LRRC8D: variants seen among roughly 807,000 people sequenced by gnomAD.
LRRC8D encodes the protein volume-regulated anion channel subunit LRRC8D.
A neutral mutation model predicts 55.8 loss-of-function variants in LRRC8D; 20 were observed. That is an observed-to-expected ratio of 0.36 (90% CI 0.25 to 0.52). LRRC8D has a LOEUF of 0.52. Ranked by LOEUF, LRRC8D falls within the 20% of genes least tolerant of loss-of-function variation. LRRC8D has a pLI of 0.93. For missense variants in LRRC8D, 651 were observed against 1,030.8 expected (o/e 0.63, Z 5.05); for synonymous variants, 352 against 377.0 (o/e 0.93, Z 0.77).
At position 89,936,144 on chromosome 1, in the gene LRRC8D, A is replaced by G. The variant is rs1361555052; in HGVS notation, c.*499A>G. 5.9e-6 allele frequency: 1 copy of G among 170,272 alleles called. No individual in the cohort carries two copies. Among genetic ancestry groups the G allele is most frequent in the Non-Finnish European group, 1.4e-5 (1 of 70,300 alleles). 10.5% of individuals were successfully genotyped at this position (170,272 alleles called of 1,614,324 possible). A position where few individuals can be genotyped will look rare whatever the true frequency, so the allele number is the denominator to read the frequency against. On this transcript the variant is annotated 3_prime_UTR_variant, in exon 3 of 3. Coordinates refer to ENST00000337338, the MANE Select transcript of LRRC8D (RefSeq NM_001134479.2). ...ACTGATTTATTTCCTGTTTTAATTT[A>G]AAGTGCCTCAAGTAAGCACCTCTCA...
chr1:89,930,744 T>C (rs1360755355), intron 2 of LRRC8D, among the ~76,000 whole-genome samples: 1 of 151,406 alleles, frequency 6.6e-6, no homozygotes, highest in African/African-American at 2.4e-5. Context: ...TAAGAGTCAT[T>C]CTGTGCTTGA....
intron 2 of LRRC8D, among the ~76,000 whole-genome samples, chr1:89,920,339 T>G (rs1247426390): frequency 6.6e-6 from 1 of 152,188 alleles, no homozygotes; most frequent in East Asian, 1.9e-4. Flanking sequence ...TTTTCTATAG[T>G]CCTTTTAAGT....
At chr1:89,879,097 C>T (rs796308927) in intron 2 of LRRC8D, among the ~76,000 whole-genome samples, 10 of 152,268 alleles carry the variant, frequency 6.6e-5, no homozygotes, top group African/African-American at 2.4e-4. Flanking sequence ...CTCTGTATCT[C>T]CCTGCTGCAT....
At chr1:89,842,737 T>C (rs1557445532) in intron 1 of LRRC8D, among the ~76,000 whole-genome samples, 1 of 152,180 alleles carries the variant, frequency 6.6e-6, no homozygotes, top group African/African-American at 2.4e-5. Flanking sequence ...TGTGTACTCT[T>C]TTTAACACTG....
intron 2 of LRRC8D, among the ~76,000 whole-genome samples, chr1:89,855,816 A>G (rs574128313): frequency 6.6e-6 from 1 of 152,344 alleles, no homozygotes; most frequent in Non-Finnish European, 1.5e-5. Context: ...TTCCTGAGAA[A>G]CAACAGGAAA....
intron 2 of LRRC8D, among the ~76,000 whole-genome samples, chr1:89,912,438 A>T (rs571767763): frequency 8.9e-5 from 12 of 135,576 alleles, no homozygotes; most frequent in Non-Finnish European, 1.1e-4. Context: ...CTGGGAAACC[A>T]CAAAGGACTA....
intron 2 of LRRC8D, among the ~76,000 whole-genome samples, chr1:89,887,739 A>T (rs568669439): frequency 1.3e-5 from 2 of 152,168 alleles, no homozygotes; most frequent in South Asian, 4.1e-4. Context: ...TATCCTCTTA[A>T]GCCTTATGCA....
chr1:89,905,820 G>C (rs1570878150), intron 2 of LRRC8D, among the ~76,000 whole-genome samples: 1 of 152,200 alleles, frequency 6.6e-6, no homozygotes, highest in East Asian at 1.9e-4. Flanking sequence ...ACGAAGAGGA[G>C]GAATTAGTGA....
At chr1:89,862,294 G>A (rs1661739136) in intron 2 of LRRC8D, among the ~76,000 whole-genome samples, 1 of 152,046 alleles carries the variant, frequency 6.6e-6, no homozygotes, top group Admixed American at 6.6e-5. Context: ...TACATCTAGT[G>A]TACCACCCTG....
chr1:89,843,734 C>T lies in LRRC8D; in HGVS notation c.-51C>T. ...TCCAGCCTCCGGAGCTCGCCCAAGC[C>T]GCGTCCCCAGAGAGCGCCCTGAGAG... On this transcript the variant is annotated 5_prime_UTR_variant, in exon 2 of 3. Transcript: ENST00000337338. 2.9e-6 allele frequency: 2 copies of T among 701,572 alleles called. No individual in the cohort carries two copies. The highest frequency in any genetic ancestry group is 5.2e-6 in the Non-Finnish European group (2 of 384,446). 43.5% of individuals were successfully genotyped at this position (701,572 alleles called of 1,614,324 possible).
chr1:89,856,056 C>T (rs1279164297), intron 2 of LRRC8D, among the ~76,000 whole-genome samples: 1 of 151,678 alleles, frequency 6.6e-6, no homozygotes, highest in African/African-American at 2.4e-5. Context: ...CCTAATGTGA[C>T]TATCTAGTGT....
intron 2 of LRRC8D, among the ~76,000 whole-genome samples, chr1:89,845,428 G>GT (rs1661251040): frequency 6.6e-6 from 1 of 152,158 alleles, no homozygotes; most frequent in Non-Finnish European, 1.5e-5. Flanking sequence ...AAGTGAGAAA[G>GT]TAATCGAGAG....
At chr1:89,843,387 G>A (rs1443488230) in intron 1 of LRRC8D, 1 of 311,734 alleles carries the variant, frequency 3.2e-6, no homozygotes, top group African/African-American at 2.2e-5. Context: ...CTGTGAGCGA[G>A]CGGGCGGGCG....
At chr1:89,854,980 A>G (rs1196696697) in intron 2 of LRRC8D, among the ~76,000 whole-genome samples, 1 of 152,178 alleles carries the variant, frequency 6.6e-6, no homozygotes, top group Non-Finnish European at 1.5e-5. Context: ...CGGTTTCCTG[A>G]GGAATCACTG....
chr1:89,909,797 C>T (rs1275947256), intron 2 of LRRC8D, among the ~76,000 whole-genome samples: 2 of 147,800 alleles, frequency 1.4e-5, no homozygotes, highest in Non-Finnish European at 3.0e-5. Context: ...ACCCAGGAGG[C>T]GGAGCTTGCA....
chr1:89,872,828 T>G (rs1375797057), intron 2 of LRRC8D, among the ~76,000 whole-genome samples: 1 of 152,114 alleles, frequency 6.6e-6, no homozygotes, highest in Admixed American at 6.5e-5. Flanking sequence ...AGTACATGAT[T>G]AGTAATGTGT....
At chr1:89,904,233 G>A (rs1662933248) in intron 2 of LRRC8D, among the ~76,000 whole-genome samples, 1 of 152,118 alleles carries the variant, frequency 6.6e-6, no homozygotes, top group Non-Finnish European at 1.5e-5. Context: ...GGCTCCTTCG[G>A]GAATCCCCAG....
At chr1:89,895,205 A>G (rs1662675793) in intron 2 of LRRC8D, among the ~76,000 whole-genome samples, 1 of 152,252 alleles carries the variant, frequency 6.6e-6, no homozygotes, top group Non-Finnish European at 1.5e-5. Context: ...TTGTATTACT[A>G]CGCAAGAAAA....
intron 2 of LRRC8D, among the ~76,000 whole-genome samples, chr1:89,867,826 T>C (rs554313010): frequency 8.5e-5 from 13 of 152,354 alleles, no homozygotes; most frequent in South Asian, 4.1e-4. Context: ...CTTAAAATAA[T>C]GTTTTACTAG....
Sources: gnomAD v4.1 joint callset for allele counts (sites outside exome capture counted in the v4.1 genomes callset) on GRCh38, gnomAD v4.1.1 for gene constraint, MANE v1.5 for transcripts, NCBI Gene and HGNC (gene_info 2026-07-23, HGNC 2026-07-21) for gene names.